Variants in ASPH observed in about 807,000 individuals in gnomAD.
ASPH encodes the protein aspartyl/asparaginyl beta-hydroxylase.
A neutral mutation model predicts 118.4 loss-of-function variants in ASPH; 100 were observed. The observed-to-expected ratio is 0.84, with a 90% confidence interval of 0.72 to 1.00. The LOEUF is 1.00. Ranked by LOEUF, ASPH falls within the 50% of genes least tolerant of loss-of-function variation. The probability of loss-of-function intolerance (pLI) is 0.00; values close to 1 mark genes in which losing one functional copy is unlikely to be tolerated. For missense variants in ASPH, 920 were observed against 919.5 expected (o/e 1.00, Z -0.01); for synonymous variants, 315 against 325.6 (o/e 0.97, Z 0.35).
In ASPH at chr8:61,583,999, T is replaced by G; in HGVS notation, c.1007A>C (p.Lys336Thr). 1 of 1,576,986 alleles carries G rather than the reference T, an allele frequency of 6.3e-7. No individual in the cohort carries two copies. ...VKKKKPKLLN[K>T]FDKTIKAELD... ...TTCAGCTTTAATAGTCTTATCAAATTTATTTAAAAGTTTAGGCTTCTTTTT... is the reference window on the plus strand; with the variant it reads ...TTCAGCTTTAATAGTCTTATCAAATGTATTTAAAAGTTTAGGCTTCTTTTT... Residue 336 changes from lysine (K) to threonine (T), a missense_variant, in exon 15 of 25, where the codon AAA becomes ACA. Physicochemically the swap from Lys to Thr is moderately conservative, Grantham distance 78. Transcript: ENST00000379454.
chr8:61,553,641 C>G (rs1348821233), intron 19 of ASPH, among the ~76,000 whole-genome samples: 1 of 151,522 alleles, frequency 6.6e-6, no homozygotes, highest in African/African-American at 2.4e-5. Flanking sequence ...GAATTAAAGC[C>G]AATTTGAATC....
Position 61,637,930 on chromosome 8 carries a change from C to G in ASPH, c.889+17G>C, listed in dbSNP as rs1858595986. On this transcript the variant is annotated intron_variant, in intron 12 of 24. Transcript: ENST00000379454. Reference sequence around the variant, plus strand: ...TCTCATATGGAAGGTAAAACCACTTCCATAAATTTATCTTACCTTCTACAA... The same window carrying G: ...TCTCATATGGAAGGTAAAACCACTTGCATAAATTTATCTTACCTTCTACAA... 2 of 1,601,424 alleles carry G rather than the reference C, an allele frequency of 1.2e-6. No individual in the cohort carries two copies. The highest frequency in any genetic ancestry group is 8.5e-7 in the Non-Finnish European group (1 of 1,173,276).
chr8:61,616,064 C>T (rs2134098984), intron 14 of ASPH, among the ~76,000 whole-genome samples: 1 of 152,220 alleles, frequency 6.6e-6, no homozygotes, highest in East Asian at 1.9e-4. Flanking sequence ...TGCATTTCCC[C>T]CTTAATAAAA....
rs942027614 is a variant in ASPH at position 61,578,667 on chromosome 8, C to T, written c.1063-1809G>A. On this transcript the variant is annotated intron_variant, in intron 15 of 24. Transcript: ENST00000379454. ...GAGCTACATCAACAACCTTAGGCGG[C>T]AGCTGGAGACTCTGGGCCAGGAGAA... is the stretch of plus-strand genomic sequence containing the variant. 8.1e-6 allele frequency: 13 copies of T among 1,600,470 alleles called. No individual in the cohort carries two copies. The African/African-American group carries it at 1.6e-4, about 20-fold the overall frequency.
intron 1 of ASPH, among the ~76,000 whole-genome samples, chr8:61,685,307 G>A (rs912900307): frequency 7.2e-5 from 11 of 152,152 alleles, no homozygotes; most frequent in African/African-American, 2.7e-4. Flanking sequence ...ATTTCCACAT[G>A]TTCCCTTCAG....
chr8:61,601,023 AAATC>A (rs1469793833), intron 14 of ASPH, among the ~76,000 whole-genome samples: 2 of 151,400 alleles, frequency 1.3e-5, no homozygotes, highest in Non-Finnish European at 2.9e-5. Flanking sequence ...AACGATAAAT[AAATC>A]AATTCATTAA....
Position 61,633,645 on chromosome 8 carries a change from T to C in ASPH, c.934+38A>G, listed in dbSNP as rs769961406. On this transcript the variant is annotated intron_variant, in intron 13 of 24. Coordinates refer to ENST00000379454, the MANE Select transcript of ASPH (RefSeq NM_004318.4). The stretch of plus-strand genomic sequence containing the variant: ...GTAATATTAACAGGATTTTTAAGGA[T>C]AACAAAAGAGGAAAATACAACATAC... 3 of 1,547,394 alleles carry C rather than the reference T, an allele frequency of 1.9e-6. No homozygotes were observed. The South Asian group carries it at 3.7e-5, about 19-fold the overall frequency.
chr8:61,650,906 GCTAT>G, intron 5 of ASPH, 140 bp downstream of exon 5: 1 of 722,460 alleles, frequency 1.4e-6, no homozygotes, highest in Non-Finnish European at 2.2e-6. Flanking sequence ...AACAACACCT[GCTAT>G]CTAACTTTGA....
chr8:61,566,921 G>A (rs879432595), intron 17 of ASPH, among the ~76,000 whole-genome samples: 11 of 152,162 alleles, frequency 7.2e-5, no homozygotes, highest in Non-Finnish European at 1.6e-4. Context: ...AAAAATTTGT[G>A]TAACTCTCTT....
chr8:61,627,788 T>C (rs1853594994), intron 13 of ASPH, among the ~76,000 whole-genome samples: 1 of 152,212 alleles, frequency 6.6e-6, no homozygotes. Context: ...CATTCAGAAG[T>C]GGTTATGGTG....
chr8:61,541,056 G>C (rs1821719291), intron 21 of ASPH, among the ~76,000 whole-genome samples: 1 of 152,240 alleles, frequency 6.6e-6, no homozygotes, highest in East Asian at 1.9e-4. Flanking sequence ...TCAGGAGATC[G>C]AGACCATCCT....
At chr8:61,583,240 A>G (rs909543807) in intron 15 of ASPH, 1 of 121,318 alleles carries the variant, frequency 8.2e-6, no homozygotes, top group Admixed American at 9.1e-5. Context: ...CTTCTATGAT[A>G]CTTGACAGTG....
At position 61,690,290 on chromosome 8, in the gene ASPH, C is replaced by A. The variant is rs572006780; in HGVS notation, c.104-6102G>T. 2.0e-5 allele frequency among the ~76,000 whole-genome samples: 3 copies of A among 152,230 alleles called. No individual in the cohort carries two copies. In the South Asian group the frequency reaches 6.2e-4, roughly 32 times the overall value. On this transcript the variant is annotated intron_variant, in intron 1 of 24. Coordinates refer to ENST00000379454, the MANE Select transcript of ASPH (RefSeq NM_004318.4). The stretch of plus-strand genomic sequence containing the variant: ...TAGAATTCTTACTCACAGACACCAT[C>A]CCAGGAATAATTCCTCCAACAGCAA...
chr8:61,500,909 G>GAT lies in ASPH; in HGVS notation c.*2448_*2449dup, dbSNP rs1320702465. On this transcript the variant is annotated 3_prime_UTR_variant, in exon 25 of 25. Transcript: ENST00000379454. Reference sequence around the variant, plus strand: ...TATTCAACTGGTCATAATCACCCCTGATAATATTATTACTAATCTTAATTA... The same window carrying GAT: ...TATTCAACTGGTCATAATCACCCCTGATATAATATTATTACTAATCTTAATTA... 1.3e-5 allele frequency: 2 copies of GAT among 151,970 alleles called. No individual in the cohort carries two copies. The highest frequency in any genetic ancestry group is 2.9e-5 in the Non-Finnish European group (2 of 68,000). The allele number at this position is 151,970 out of a possible 1,614,324, so 9.4% of individuals were successfully genotyped here.
intron 14 of ASPH, among the ~76,000 whole-genome samples, chr8:61,608,786 C>T (rs1420861333): frequency 3.9e-5 from 6 of 151,928 alleles, no homozygotes; most frequent in Admixed American, 3.9e-4. Context: ...GAGGGTGGGA[C>T]CCAGGGCACT....
At chr8:61,704,158 G>GCA (rs1297338905) in intron 1 of ASPH, among the ~76,000 whole-genome samples, 1 of 115,016 alleles carries the variant, frequency 8.7e-6, no homozygotes, top group Non-Finnish European at 1.6e-5. Flanking sequence ...TCCCGCCACT[G>GCA]CACTCCAGCC....
intron 22 of ASPH, among the ~76,000 whole-genome samples, chr8:61,522,619 T>C (rs1355990746): frequency 6.6e-6 from 1 of 152,130 alleles, no homozygotes; most frequent in Non-Finnish European, 1.5e-5. Flanking sequence ...TCTCACGAGA[T>C]CTGATGGTTT....
At chr8:61,608,548 C>T (rs1003161253) in intron 14 of ASPH, among the ~76,000 whole-genome samples, 5 of 152,132 alleles carry the variant, frequency 3.3e-5, no homozygotes, top group African/African-American at 2.4e-5. Flanking sequence ...TTTTCTCAAA[C>T]GATCCTTTTG....
chr8:61,624,121 A>T lies in ASPH; in HGVS notation c.935-5102T>A, dbSNP rs1024529805. ...AAGATCTAGTATTTGATAGCAAAAC[A>T]GAGTTACTATAGCCAACAATAATTT... is the stretch of plus-strand genomic sequence containing the variant. On this transcript the variant is annotated intron_variant, in intron 13 of 24. Transcript: ENST00000379454. The T allele has an allele frequency of 6.0e-6, 4 of 671,136 alleles. No individual in the cohort carries two copies. In the African/African-American group the frequency reaches 7.9e-5, roughly 13 times the overall value. The allele number at this position is 671,136 out of a possible 1,614,324, so 41.6% of individuals were successfully genotyped here.
Sources: gnomAD v4.1 joint callset for allele counts (sites outside exome capture counted in the v4.1 genomes callset) on GRCh38, gnomAD v4.1.1 for gene constraint, MANE v1.5 for transcripts, NCBI Gene and HGNC (gene_info 2026-07-23, HGNC 2026-07-21) for gene names.